Variants in MCPH1 observed in about 807,000 individuals in gnomAD.
The protein encoded by MCPH1 is microcephalin 1.
Under a neutral mutation model 84.5 loss-of-function variants are expected in MCPH1, and 104 were observed. That is an observed-to-expected ratio of 1.23 (90% confidence interval 1.05 to 1.45). The LOEUF (loss-of-function observed/expected upper bound fraction) is 1.45, where lower values mean the gene tolerates loss of function less well. Among genes scored for constraint, MCPH1 ranks in the 40% most tolerant of loss-of-function variants. The pLI, the probability that MCPH1 is intolerant of heterozygous loss-of-function variation, is 0.00. For missense variants in MCPH1, 1,498 were observed against 1,005.7 expected (o/e 1.49, Z -6.62); for synonymous variants, 514 against 366.8 (o/e 1.40, Z -4.58).
chr8:6,593,445 C>G (rs988635265), intron 12 of MCPH1, among the ~76,000 whole-genome samples: 2 of 152,050 alleles, frequency 1.3e-5, no homozygotes, highest in African/African-American at 4.8e-5. Context: ...ACCTCTGCCT[C>G]CCAGGTTCAA....
chr8:6,629,700 G>A (rs984875690), intron 13 of MCPH1, among the ~76,000 whole-genome samples: 3 of 152,138 alleles, frequency 2.0e-5, no homozygotes, highest in Admixed American at 6.5e-5. Flanking sequence ...TTTTGTTATG[G>A]TAGCCTGAGC....
At chr8:6,463,657 G>T (rs1488720623) in intron 9 of MCPH1, among the ~76,000 whole-genome samples, 3 of 152,174 alleles carry the variant, frequency 2.0e-5, no homozygotes, top group East Asian at 3.9e-4. Flanking sequence ...CCAGCTAGGG[G>T]CAGGAGGAAA....
intron 12 of MCPH1, among the ~76,000 whole-genome samples, chr8:6,533,578 T>TC (rs1023426248): frequency 8.0e-6 from 1 of 124,604 alleles, no homozygotes; most frequent in African/African-American, 3.2e-5. Context: ...TCTTTTTTTT[T>TC]TTTTTTTTTT....
intron 12 of MCPH1, among the ~76,000 whole-genome samples, chr8:6,550,335 G>T (rs1823411102): frequency 6.6e-6 from 1 of 152,182 alleles, no homozygotes; most frequent in African/African-American, 2.4e-5. Context: ...TGGGAGTGAG[G>T]CAGTGTGGCG....
intron 12 of MCPH1, among the ~76,000 whole-genome samples, chr8:6,593,988 T>G (rs60861496): frequency 0.023 from 3,572 of 152,340 alleles, 154 homozygotes; most frequent in African/African-American, 0.082. Context: ...TCCAGGTGCC[T>G]TCCCTATTGT....
chr8:6,600,406 G>C (rs1482244170), intron 12 of MCPH1, among the ~76,000 whole-genome samples: 1 of 152,188 alleles, frequency 6.6e-6, no homozygotes, highest in Admixed American at 6.5e-5. Context: ...CTGTGGGAGT[G>C]ACAGTGTCCA....
intron 3 of MCPH1, among the ~76,000 whole-genome samples, chr8:6,429,995 C>T (rs1320145897): frequency 6.6e-6 from 1 of 152,180 alleles, no homozygotes; most frequent in Non-Finnish European, 1.5e-5. Flanking sequence ...CTCAGTCATA[C>T]AAATGGTGTA....
intron 13 of MCPH1, among the ~76,000 whole-genome samples, chr8:6,640,783 A>G (rs1447903381): frequency 6.6e-6 from 1 of 152,182 alleles, no homozygotes; most frequent in Non-Finnish European, 1.5e-5. Context: ...ATAATCTCAT[A>G]TTCTCCTATT....
At chr8:6,626,002 C>T in intron 13 of MCPH1, 1 of 985,310 alleles carries the variant, frequency 1.0e-6, no homozygotes, top group South Asian at 4.7e-5. Flanking sequence ...ACTGAAACGA[C>T]AGCTCTTCCC....
intron 12 of MCPH1, chr8:6,514,658 C>A: frequency 6.2e-7 from 1 of 1,603,708 alleles, no homozygotes; most frequent in Non-Finnish European, 8.5e-7. Flanking sequence ...TTTTCTGATG[C>A]CTTAAAGAAT....
At chr8:6,463,546 T>A (rs1190217956) in intron 9 of MCPH1, among the ~76,000 whole-genome samples, 5 of 152,220 alleles carry the variant, frequency 3.3e-5, no homozygotes, top group African/African-American at 9.6e-5. Flanking sequence ...GAAGGAGCCT[T>A]GCAGTGGAAA....
chr8:6,424,396 A>G (rs1183806002), intron 3 of MCPH1, among the ~76,000 whole-genome samples: 3 of 152,190 alleles, frequency 2.0e-5, no homozygotes, highest in Admixed American at 6.5e-5. Flanking sequence ...TTTGCTGGAA[A>G]CAGGGACATA....
At chr8:6,583,316 T>C (rs1419098845) in intron 12 of MCPH1, among the ~76,000 whole-genome samples, 3 of 152,190 alleles carry the variant, frequency 2.0e-5, no homozygotes, top group Non-Finnish European at 2.9e-5. Context: ...AAATAATAGC[T>C]GGCAGAGTGT....
intron 11 of MCPH1, among the ~76,000 whole-genome samples, chr8:6,491,299 C>G (rs887987649): frequency 2.6e-5 from 4 of 150,960 alleles, no homozygotes; most frequent in African/African-American, 9.7e-5. Context: ...TTACACAATT[C>G]CAGAATAATG....
chr8:6,430,068 A>G (rs1563195936), intron 3 of MCPH1, among the ~76,000 whole-genome samples: 1 of 152,144 alleles, frequency 6.6e-6, no homozygotes, highest in Non-Finnish European at 1.5e-5. Context: ...CTGCTTCCAG[A>G]TGGAAGATCT....
At position 6,624,777 on chromosome 8, in the gene MCPH1, C is replaced by T. The variant is rs748486580; in HGVS notation, c.2452+3086C>T. 6.8e-4 allele frequency: 664 copies of T among 982,238 alleles called. 1 individual carries two copies. Among genetic ancestry groups the T allele is most frequent in the Non-Finnish European group, 7.4e-4 (614 of 827,244 alleles). The allele number at this position is 982,238 out of a possible 1,614,324, so 60.8% of individuals were successfully genotyped here. A position where few individuals can be genotyped will look rare whatever the true frequency, so the allele number is the denominator to read the frequency against. On this transcript the variant is annotated intron_variant, in intron 13 of 13. Coordinates refer to ENST00000344683, the MANE Select transcript of MCPH1 (RefSeq NM_024596.5). ...TTATTTTTCTGTCCATACATACACA[C>T]GTAAACCTACAGAACACACAGTCCA...
At chr8:6,608,571 G>C (rs1019831788) in intron 12 of MCPH1, among the ~76,000 whole-genome samples, 2 of 152,198 alleles carry the variant, frequency 1.3e-5, no homozygotes, top group Non-Finnish European at 2.9e-5. Context: ...ATTATTGTTA[G>C]AGATATGGAC....
intron 3 of MCPH1, among the ~76,000 whole-genome samples, chr8:6,431,006 G>A (rs1585713551): frequency 6.6e-6 from 1 of 152,294 alleles, no homozygotes. Context: ...TGGCAATGCG[G>A]AGCATTGGTT....
chr8:6,506,322 A>G (rs1813720542), intron 12 of MCPH1, among the ~76,000 whole-genome samples: 1 of 152,094 alleles, frequency 6.6e-6, no homozygotes, highest in Admixed American at 6.5e-5. Context: ...ACTGGCTGGA[A>G]TTTGACCTCT....
Sources: gnomAD v4.1 joint callset for allele counts (sites outside exome capture counted in the v4.1 genomes callset) on GRCh38, gnomAD v4.1.1 for gene constraint, MANE v1.5 for transcripts, NCBI Gene and HGNC (gene_info 2026-07-23, HGNC 2026-07-21) for gene names.